SLIT2: variants seen among roughly 807,000 people sequenced by gnomAD.
SLIT2 encodes the protein slit homolog 2 protein.
SLIT2 carries 41 observed loss-of-function variants against 185.7 expected under a neutral mutation model. That is an observed-to-expected ratio of 0.22 (90% CI 0.17 to 0.29). The LOEUF (loss-of-function observed/expected upper bound fraction) is 0.29. SLIT2 is among the 10% of genes least tolerant of loss of function. SLIT2 has a pLI of 1.00. For missense variants in SLIT2, 1,571 were observed against 1,909.0 expected, an observed-to-expected ratio of 0.82 and a Z score of 3.30; for synonymous variants, 693 against 680.2, an observed-to-expected ratio of 1.02 and a Z score of -0.29.
intron 4 of SLIT2, among the ~76,000 whole-genome samples, chr4:20,364,790 G>A (rs188410048): frequency 7.2e-5 from 11 of 152,164 alleles, no homozygotes; most frequent in Admixed American, 2.6e-4. Context: ...ATAAATTAAA[G>A]GCACTAGAAG....
At chr4:20,520,536 G>C (rs1720749960) in intron 12 of SLIT2, among the ~76,000 whole-genome samples, 2 of 151,964 alleles carry the variant, frequency 1.3e-5, no homozygotes, top group Middle Eastern at 3.4e-3. Flanking sequence ...TTATTTCTTG[G>C]CATTTATTTG....
chr4:20,326,687 C>T (rs1719620710), intron 4 of SLIT2, among the ~76,000 whole-genome samples: 2 of 147,822 alleles, frequency 1.4e-5, no homozygotes, highest in South Asian at 4.3e-4. Context: ...ATTATCTACT[C>T]AGTTTTTGTT....
At chr4:20,342,352 A>G (rs1365632173) in intron 4 of SLIT2, among the ~76,000 whole-genome samples, 7 of 152,320 alleles carry the variant, frequency 4.6e-5, no homozygotes, top group Admixed American at 4.6e-4. Flanking sequence ...GATAAATACT[A>G]AAATGGAAAA....
At chr4:20,357,562 T>C (rs1722424913) in intron 4 of SLIT2, among the ~76,000 whole-genome samples, 1 of 152,126 alleles carries the variant, frequency 6.6e-6, no homozygotes, top group Non-Finnish European at 1.5e-5. Flanking sequence ...ATATCATTAC[T>C]AGTTTTAAAA....
Position 20,378,100 on chromosome 4 carries a change from AAATT to A in SLIT2, c.396-89646_396-89643del, listed in dbSNP as rs5856557. ...AGAGATTCATTTATAATTTACAAAT[AAATT>A]AATTATGATTGAAAAAGGCAGAATA... On this transcript the variant is annotated intron_variant, in intron 4 of 36. Transcript: ENST00000504154. 6.8e-3 allele frequency among the ~76,000 whole-genome samples: 1,032 copies of A among 152,232 alleles called. 21 individuals carry two copies. The highest frequency in any genetic ancestry group is 0.023 in the African/African-American group (976 of 41,558).
intron 4 of SLIT2, among the ~76,000 whole-genome samples, chr4:20,428,500 A>G (rs928269002): frequency 2.0e-5 from 3 of 152,202 alleles, no homozygotes; most frequent in South Asian, 2.1e-4. Flanking sequence ...TGTGAGGGGA[A>G]TTGATACTCA....
At chr4:20,339,070 A>G (rs912949866) in intron 4 of SLIT2, among the ~76,000 whole-genome samples, 1 of 143,246 alleles carries the variant, frequency 7.0e-6, no homozygotes, top group Admixed American at 7.4e-5. Flanking sequence ...TCCAGCCTGC[A>G]TGATAAAGTG....
rs17542486 is a variant in SLIT2, at chr4:20,550,887, A to C, written c.2550A>C (p.Ala850=). The stretch of plus-strand genomic sequence containing the variant: ...AAGGTGCTTTCAATGATCTTTCTGC[A>C]TTATCACATCTGTGAGTACCTAGTT... ...VPEGAFNDLS[A]LSHLAIGANP... is the part of the protein sequence containing the mutation. The change falls in exon 25 of 37, where the codon GCA becomes GCC. Residue 850 remains alanine, a synonymous_variant. Transcript: ENST00000504154. 160,974 of 1,593,570 alleles carry C rather than the reference A, an allele frequency of 0.1. 9,014 individuals are homozygous for C. The highest frequency in any genetic ancestry group is 0.18 in the Admixed American group (10,762 of 59,776).
chr4:20,406,131 C>T (rs1195763013), intron 4 of SLIT2, among the ~76,000 whole-genome samples: 2 of 143,972 alleles, frequency 1.4e-5, no homozygotes, highest in African/African-American at 2.4e-5. Context: ...GAATCTTCCT[C>T]TTTATCTCAG....
chr4:20,394,370 A>G (rs1484048107), intron 4 of SLIT2, among the ~76,000 whole-genome samples: 1 of 152,010 alleles, frequency 6.6e-6, no homozygotes, highest in Non-Finnish European at 1.5e-5. Flanking sequence ...AGTTTCCCTT[A>G]AATGTGAACT....
chr4:20,388,478 T>A (rs1410121982), intron 4 of SLIT2, among the ~76,000 whole-genome samples: 2 of 151,830 alleles, frequency 1.3e-5, no homozygotes, highest in Non-Finnish European at 2.9e-5. Context: ...GCATTAAAAA[T>A]ATTACGGAGA....
intron 16 of SLIT2, among the ~76,000 whole-genome samples, chr4:20,530,164 A>G (rs1721665929): frequency 6.6e-6 from 1 of 151,696 alleles, no homozygotes; most frequent in Non-Finnish European, 1.5e-5. Context: ...TTAGAAATGC[A>G]TGGAGTCCAT....
At chr4:20,365,438 C>T (rs962234251) in intron 4 of SLIT2, among the ~76,000 whole-genome samples, 11 of 152,066 alleles carry the variant, frequency 7.2e-5, no homozygotes, top group African/African-American at 1.4e-4. Context: ...TGAAGGCTGC[C>T]GCACCTTCAA....
At chr4:20,343,665 C>A (rs1721144325) in intron 4 of SLIT2, among the ~76,000 whole-genome samples, 1 of 151,866 alleles carries the variant, frequency 6.6e-6, no homozygotes, top group Non-Finnish European at 1.5e-5. Flanking sequence ...CTGTGCTAAG[C>A]TAATTTTTAT....
In SLIT2 at chr4:20,584,767, G is replaced by A. The variant is rs1326165578; in HGVS notation, c.3089-4877G>A. 2.0e-5 allele frequency among the ~76,000 whole-genome samples: 3 copies of A among 152,258 alleles called. 1 individual carries two copies. In the East Asian group the frequency reaches 5.8e-4, roughly 29 times the overall value. The stretch of plus-strand genomic sequence containing the variant: ...CCGACAGACAAAATCAGGAAGAGGT[G>A]ATCTAAGAAACAGATAAAACTCTAT... On this transcript the variant is annotated intron_variant, in intron 29 of 36. Coordinates refer to ENST00000504154, the MANE Select transcript of SLIT2 (RefSeq NM_004787.4).
Position 20,528,157 on chromosome 4 carries a change from T to C in SLIT2, c.1463-792T>C, listed in dbSNP as rs1340855597. 1 of 472,004 alleles carries C rather than the reference T, an allele frequency of 2.1e-6. No homozygotes were observed. Among genetic ancestry groups the C allele is most frequent in the Non-Finnish European group, 4.3e-6 (1 of 230,410 alleles). 29.2% of individuals were successfully genotyped at this position (472,004 alleles called of 1,614,324 possible). Reference sequence around the variant, plus strand: ...AATACTCTTACTGTGGTCATAAACATTCTGCGGGAAGAATGCATGTCATGT... The same window carrying C: ...AATACTCTTACTGTGGTCATAAACACTCTGCGGGAAGAATGCATGTCATGT... On this transcript the variant is annotated intron_variant, in intron 15 of 36. Coordinates refer to ENST00000504154, the MANE Select transcript of SLIT2 (RefSeq NM_004787.4). This position sits in a 1 kb window ranked among gnomAD's most constrained non-coding sequence, Gnocchi z 4.2.
At chr4:20,283,120 GCACA>G (rs55949957) in intron 4 of SLIT2, among the ~76,000 whole-genome samples, 13,237 of 149,924 alleles carry the variant, frequency 0.088, 728 homozygotes, top group African/African-American at 0.16. Flanking sequence ...GTGCGCGCGC[GCACA>G]CACACACACA....
chr4:20,581,406 T>G (rs1036337699), intron 29 of SLIT2, among the ~76,000 whole-genome samples: 22 of 152,188 alleles, frequency 1.4e-4, no homozygotes, highest in Admixed American at 1.4e-3. Context: ...TATTTTGTTT[T>G]GAGGGGCACA....
chr4:20,459,230 A>G (rs976924478), intron 4 of SLIT2, among the ~76,000 whole-genome samples: 3 of 152,186 alleles, frequency 2.0e-5, no homozygotes. Context: ...TACTTATTCC[A>G]TATCGAATTT....
Sources: gnomAD v4.1 joint callset for allele counts (sites outside exome capture counted in the v4.1 genomes callset) on GRCh38, gnomAD v4.1.1 for gene constraint, Gnocchi (gnomAD v3.1) non-coding constraint, MANE v1.5 for transcripts, NCBI Gene and HGNC (gene_info 2026-07-23, HGNC 2026-07-21) for gene names.